The following ARHGAP26 variants were observed in gnomAD, a reference collection of about 807,000 sequenced individuals.
ARHGAP26 encodes Rho GTPase activating protein 26.
ARHGAP26 carries 38 observed loss-of-function variants against 104.8 expected under a neutral mutation model. The ratio of observed to expected loss-of-function variants is 0.36; its 90% confidence interval spans 0.28 to 0.48. ARHGAP26 has a LOEUF of 0.48. Among genes scored for constraint, ARHGAP26 ranks in the 20% least tolerant of loss-of-function variants. ARHGAP26 has a pLI of 0.99. For synonymous variants in ARHGAP26, 341 were observed against 340.0 expected, an observed-to-expected ratio of 1.00 and a Z score of -0.03; for missense variants, 704 against 947.9, an observed-to-expected ratio of 0.74 and a Z score of 3.38.
chr5:143,207,044 G>A (rs145344534), intron 20 of ARHGAP26, among the ~76,000 whole-genome samples, 154 bp from the exon 21 acceptor site: 1 of 152,334 alleles, frequency 6.6e-6, no homozygotes, highest in Non-Finnish European at 1.5e-5. Flanking sequence ...GATTTGGTCT[G>A]GAGGAATGTG....
intron 8 of ARHGAP26, among the ~76,000 whole-genome samples, chr5:142,906,596 G>A (rs557417971): frequency 1.2e-3 from 178 of 152,276 alleles, no homozygotes; most frequent in African/African-American, 4.0e-3. Context: ...TGTTCAGGAG[G>A]CTATAATTTA....
At position 142,771,385 on chromosome 5, in the gene ARHGAP26, G is replaced by C. The variant is rs1597543624; in HGVS notation, c.154+470G>C. 6 of 1,232,108 alleles carry C rather than the reference G, an allele frequency of 4.9e-6. No individual in the cohort carries two copies. The East Asian group carries it at 1.6e-4, about 32-fold the overall frequency. 76.3% of individuals were successfully genotyped at this position (1,232,108 alleles called of 1,614,324 possible). On this transcript the variant is annotated intron_variant, in intron 1 of 22. Coordinates refer to ENST00000645722, the MANE Select transcript of ARHGAP26 (RefSeq NM_001135608.3). Reference sequence around the variant, plus strand: ...CTCCCCTTGGGAAAAGGTGGGTTGTGACTGCTTCGCTCCCTGTACGCAGCT... The same window carrying C: ...CTCCCCTTGGGAAAAGGTGGGTTGTCACTGCTTCGCTCCCTGTACGCAGCT...
chr5:143,027,273 G>A (rs2152849325), intron 12 of ARHGAP26, among the ~76,000 whole-genome samples: 1 of 151,192 alleles, frequency 6.6e-6, no homozygotes, highest in Admixed American at 6.6e-5. Context: ...CCTGGTTCAA[G>A]TGATTATCGT....
Position 142,858,094 on chromosome 5 carries a change from T to TGA in ARHGAP26, c.155-15290_155-15289dup, listed in dbSNP as rs1249755991. On this transcript the variant is annotated intron_variant, in intron 1 of 22. Coordinates refer to ENST00000645722, the MANE Select transcript of ARHGAP26 (RefSeq NM_001135608.3). ...GTGTGTGTGTGTGTGTGTGTGTGTG[T>TGA]GAGAGAGAGAGAGAGAGGGAGTGTG... Among the ~76,000 whole-genome samples, 160 of 127,228 alleles carry TGA rather than the reference T, an allele frequency of 1.3e-3. 1 individual carries two copies. The highest frequency in any genetic ancestry group is 7.6e-3 in the East Asian group (33 of 4,332). 83.5% of individuals were successfully genotyped at this position (127,228 alleles called of 152,430 possible). A position where few individuals can be genotyped will look rare whatever the true frequency, so the allele number is the denominator to read the frequency against.
chr5:143,007,194 GAAA>G (rs34602049), intron 11 of ARHGAP26, among the ~76,000 whole-genome samples: 222 of 69,558 alleles, frequency 3.2e-3, no homozygotes, highest in African/African-American at 0.012. Flanking sequence ...CTCTGTCTCC[GAAA>G]AAAAAAAAAA....
At chr5:142,878,201 G>A (rs990192773) in intron 3 of ARHGAP26, among the ~76,000 whole-genome samples, 23 of 152,284 alleles carry the variant, frequency 1.5e-4, no homozygotes, top group African/African-American at 5.1e-4. Flanking sequence ...TTGTTGCAGC[G>A]AGATTCCTGG....
rs531720399 is a variant in ARHGAP26, at chr5:143,228,888, A to G, written c.*6442A>G. The G allele has an allele frequency of 7.7e-4, 144 of 187,714 alleles. No homozygotes were observed. Among genetic ancestry groups the G allele is most frequent in the African/African-American group, 3.2e-3 (139 of 42,932 alleles). The allele number at this position is 187,714 out of a possible 1,614,324, so 11.6% of individuals were successfully genotyped here. A position where few individuals can be genotyped will look rare whatever the true frequency, so the allele number is the denominator to read the frequency against. On this transcript the variant is annotated 3_prime_UTR_variant, in exon 23 of 23. Coordinates refer to ENST00000645722, the MANE Select transcript of ARHGAP26 (RefSeq NM_001135608.3). The stretch of plus-strand genomic sequence containing the variant: ...CAAATATATCTATAAAGAAAACAAA[A>G]TTTCTGTTCAGAGGCCTCTGAAACT...
intron 11 of ARHGAP26, among the ~76,000 whole-genome samples, chr5:142,989,124 G>C (rs1486413824): frequency 2.0e-5 from 3 of 152,122 alleles, no homozygotes; most frequent in Non-Finnish European, 4.4e-5. Context: ...GTGTGGGAGT[G>C]TAAGTCTCTT....
intron 11 of ARHGAP26, among the ~76,000 whole-genome samples, chr5:142,987,537 A>G (rs1452036720): frequency 7.0e-6 from 1 of 142,806 alleles, no homozygotes; most frequent in Non-Finnish European, 1.5e-5. Flanking sequence ...ACTATGTTGA[A>G]TAGGAGTGGT....
chr5:142,814,034 C>G (rs1333500207), intron 1 of ARHGAP26, among the ~76,000 whole-genome samples: 2 of 152,204 alleles, frequency 1.3e-5, no homozygotes, highest in African/African-American at 4.8e-5. Context: ...GGCAAGTTGG[C>G]TGTTCCTCAG....
chr5:143,047,853 C>T (rs1176514015), intron 14 of ARHGAP26, among the ~76,000 whole-genome samples: 1 of 151,896 alleles, frequency 6.6e-6, no homozygotes, highest in Non-Finnish European at 1.5e-5. Flanking sequence ...TTATTCCGCT[C>T]TGTTGCCCAG....
intron 15 of ARHGAP26, 79 bp from the exon 16 acceptor site, chr5:143,055,949 T>C (rs1200593253): frequency 4.2e-6 from 4 of 953,952 alleles, no homozygotes; most frequent in Non-Finnish European, 4.9e-6. Flanking sequence ...TTACAGTTTG[T>C]CAGTCTCTAG....
intron 11 of ARHGAP26, among the ~76,000 whole-genome samples, chr5:142,945,703 T>C (rs1435384059): frequency 6.6e-6 from 1 of 152,248 alleles, no homozygotes; most frequent in East Asian, 1.9e-4. Context: ...ATAAAAATGT[T>C]ACAAAAATAT....
intron 12 of ARHGAP26, 128 bp from the exon 13 acceptor site, chr5:143,037,068 G>A (rs1782767561): frequency 1.9e-6 from 1 of 516,950 alleles, no homozygotes; most frequent in East Asian, 3.1e-5. Flanking sequence ...TTCCTGTACT[G>A]TTATTGGGAA....
At position 143,037,269 on chromosome 5, in the gene ARHGAP26, A is replaced by T. The variant is rs1237852474; in HGVS notation, c.1210+8A>T. 1 of 1,588,756 alleles carries T rather than the reference A, an allele frequency of 6.3e-7. No homozygotes were observed. Among genetic ancestry groups the T allele is most frequent in the East Asian group, 2.2e-5 (1 of 44,476 alleles). ...ATGCTGTGGAAACCAGAGGTAAAGT[A>T]GTTTAACAGATGGCATTGTTCTCAT... On this transcript the variant is annotated splice_region_variant and intron_variant, in intron 13 of 22. Coordinates refer to ENST00000645722, the MANE Select transcript of ARHGAP26 (RefSeq NM_001135608.3).
intron 11 of ARHGAP26, among the ~76,000 whole-genome samples, chr5:142,950,999 CTCTTTCCCTTTCCCTTTCCCTTT>C (rs1768270187): frequency 1.7e-4 from 1 of 5,716 alleles, no homozygotes; most frequent in Non-Finnish European, 4.8e-4. Flanking sequence ...CTTTCCCTTT[CTCTTTCCCTTTCCCTTTCCCTTT>C]CTCTTTCCCT....
chr5:142,887,897 G>A (rs570472482), intron 5 of ARHGAP26, among the ~76,000 whole-genome samples: 19 of 152,112 alleles, frequency 1.2e-4, no homozygotes, highest in African/African-American at 3.9e-4. Context: ...CCAGGGAGGC[G>A]GAGGTTGCAG....
chr5:143,220,609 A>G (rs1348701480), intron 22 of ARHGAP26, among the ~76,000 whole-genome samples: 1 of 152,202 alleles, frequency 6.6e-6, no homozygotes, highest in African/African-American at 2.4e-5. Context: ...TGGAGAGGCC[A>G]GGTTGCTTTT....
At chr5:142,831,415 C>CT (rs1413840093) in intron 1 of ARHGAP26, among the ~76,000 whole-genome samples, 1 of 152,044 alleles carries the variant, frequency 6.6e-6, no homozygotes, top group East Asian at 1.9e-4. Context: ...AAGACAATCT[C>CT]TGAGTTTCTG....
Sources: gnomAD v4.1 joint callset for allele counts (sites outside exome capture counted in the v4.1 genomes callset) on GRCh38, gnomAD v4.1.1 for gene constraint, MANE v1.5 for transcripts, NCBI Gene and HGNC (gene_info 2026-07-23, HGNC 2026-07-21) for gene names.